Variants in ACVR1B observed in about 807,000 individuals in gnomAD.
The protein encoded by ACVR1B is activin receptor type-1B.
A neutral mutation model predicts 55.6 loss-of-function variants in ACVR1B; 15 were observed. The observed-to-expected ratio is 0.27, with a 90% CI of 0.18 to 0.42. The LOEUF (loss-of-function observed/expected upper bound fraction) is 0.42. Among genes scored for constraint, ACVR1B ranks in the 10% least tolerant of loss-of-function variants. ACVR1B has a pLI of 1.00. For synonymous variants in ACVR1B, 247 were observed against 254.6 expected, an observed-to-expected ratio of 0.97 and a Z score of 0.28; for missense variants, 359 against 670.1, an observed-to-expected ratio of 0.54 and a Z score of 5.13.
intron 1 of ACVR1B, among the ~76,000 whole-genome samples, chr12:51,972,956 G>A (rs964463172): frequency 3.3e-5 from 5 of 152,064 alleles, no homozygotes; most frequent in South Asian, 2.1e-4. Flanking sequence ...CTCACCCAGC[G>A]CCTTATCACA....
intron 3 of ACVR1B, among the ~76,000 whole-genome samples, chr12:51,977,227 G>C (rs1348544011): frequency 2.6e-5 from 4 of 152,156 alleles, no homozygotes; most frequent in Admixed American, 2.6e-4. Context: ...GGTTGTTTAG[G>C]TCTCAGGGTA....
At chr12:51,983,236 C>G (rs1286008390) in intron 4 of ACVR1B, among the ~76,000 whole-genome samples, 1 of 152,184 alleles carries the variant, frequency 6.6e-6, no homozygotes, top group Non-Finnish European at 1.5e-5. Context: ...CGATTCCTGG[C>G]TTTGGTGTTT....
chr12:51,953,419 C>A (rs766692511), intron 1 of ACVR1B: 49 of 985,328 alleles, frequency 5.0e-5, no homozygotes, highest in Non-Finnish European at 5.7e-5. Flanking sequence ...TCTTCGGCCT[C>A]ACTGCTCTGT....
chr12:51,974,508 CGTGT>C (rs141955888), intron 1 of ACVR1B, among the ~76,000 whole-genome samples: 26 of 151,682 alleles, frequency 1.7e-4, no homozygotes, highest in African/African-American at 2.7e-4. Flanking sequence ...GAAAAAAATT[CGTGT>C]GTGTGTGTGT....
intron 1 of ACVR1B, among the ~76,000 whole-genome samples, chr12:51,969,862 C>T (rs944214787): frequency 3.3e-5 from 5 of 152,160 alleles, no homozygotes; most frequent in African/African-American, 9.7e-5. Flanking sequence ...AGCCACTGCA[C>T]TCCAGCCTGG....
rs543337904 is a variant in ACVR1B, at chr12:51,962,982, C to T, written c.91+11148C>T. On this transcript the variant is annotated intron_variant, in intron 1 of 8. Coordinates refer to ENST00000257963, the MANE Select transcript of ACVR1B (RefSeq NM_004302.5). ...TCCTCTTTGTGAGTTCAGAGATTCC[C>T]GGACACGGTGGAGAGTCTAGAGATT... Among the ~76,000 whole-genome samples the T allele has an allele frequency of 1.1e-4, 16 of 152,070 alleles. No homozygotes were observed. The South Asian group carries it at 2.1e-3, about 20-fold the overall frequency.
chr12:51,955,137 T>C (rs1941383941), intron 1 of ACVR1B, among the ~76,000 whole-genome samples: 1 of 152,208 alleles, frequency 6.6e-6, no homozygotes, highest in Non-Finnish European at 1.5e-5. Flanking sequence ...TATGGCACTA[T>C]GTAAATGTTA....
chr12:51,988,140 T>C (rs1942117883), intron 7 of ACVR1B, among the ~76,000 whole-genome samples: 1 of 152,240 alleles, frequency 6.6e-6, no homozygotes, highest in African/African-American at 2.4e-5. Flanking sequence ...ATTCATGGAA[T>C]TGTACCTCTT....
At position 51,983,993 on chromosome 12, in the gene ACVR1B, C is replaced by T; in HGVS notation, c.812-6C>T. 2 of 1,614,166 alleles carry T rather than the reference C, an allele frequency of 1.2e-6. No individual in the cohort carries two copies. Among genetic ancestry groups the T allele is most frequent in the South Asian group, 2.2e-5 (2 of 91,076 alleles). On this transcript the variant is annotated splice_region_variant and splice_polypyrimidine_tract_variant and intron_variant, in intron 4 of 8. Coordinates refer to ENST00000257963, the MANE Select transcript of ACVR1B (RefSeq NM_004302.5). ...TTTTCTGGGACTCATCTGTGGTTCT[C>T]TGCAGATAATGGCACCTGGACACAG... is the stretch of plus-strand genomic sequence containing the variant.
At chr12:51,983,313 A>G (rs913037606) in intron 4 of ACVR1B, among the ~76,000 whole-genome samples, 9 of 152,142 alleles carry the variant, frequency 5.9e-5, no homozygotes, top group African/African-American at 1.9e-4. Context: ...AATAAAGTGT[A>G]TGCACTCTAC....
In ACVR1B at chr12:51,951,713, TGCGGCG is replaced by T. The variant is rs10540557; in HGVS notation, c.-14_-9del. On this transcript the variant is annotated 5_prime_UTR_variant, in exon 1 of 9. Coordinates refer to ENST00000257963, the MANE Select transcript of ACVR1B (RefSeq NM_004302.5). ...GCGCGCGCGCTGGGCGCTGCTGGGC[TGCGGCG>T]GCGGCGGCGGCGGCGGTGGTTACTA... The T allele has an allele frequency of 1.8e-3, 1,864 of 1,063,748 alleles. 1 individual carries two copies. The highest frequency in any genetic ancestry group is 5.1e-3 in the East Asian group (121 of 23,850). The allele number at this position is 1,063,748 out of a possible 1,614,324, so 65.9% of individuals were successfully genotyped here.
Position 51,970,266 on chromosome 12 carries a change from G to T in ACVR1B, c.92-4999G>T, listed in dbSNP as rs1011915355. On this transcript the variant is annotated intron_variant, in intron 1 of 8. Transcript: ENST00000257963. Reference sequence around the variant, plus strand: ...AAAGAGCGTGGTAGAATGCTGTGTGGTGTTGTGGGGAAAAGATCGAACTTA... The same window carrying T: ...AAAGAGCGTGGTAGAATGCTGTGTGTTGTTGTGGGGAAAAGATCGAACTTA... 3.8e-4 allele frequency among the ~76,000 whole-genome samples: 58 copies of T among 152,194 alleles called. 1 individual carries two copies. Among genetic ancestry groups the T allele is most frequent in the African/African-American group, 1.3e-3 (55 of 41,430 alleles).
Position 51,975,305 on chromosome 12 carries a change from C to T in ACVR1B, c.132C>T (p.Tyr44=), listed in dbSNP as rs1434973440. 6 of 1,613,830 alleles carry T rather than the reference C, an allele frequency of 3.7e-6. No individual in the cohort carries two copies. Among genetic ancestry groups the T allele is most frequent in the Non-Finnish European group, 5.1e-6 (6 of 1,180,046 alleles). Reference sequence around the variant, plus strand: ...GCACCAGCTGCCTCCAGGCCAACTACACGTGTGAGACAGATGGGGCCTGCA... The same window carrying T: ...GCACCAGCTGCCTCCAGGCCAACTATACGTGTGAGACAGATGGGGCCTGCA... ...CACTSCLQAN[Y]TCETDGACMV... is the part of the protein sequence containing the mutation. The change falls in exon 2 of 9, where the codon TAC becomes TAT. Residue 44 remains tyrosine (Y), a synonymous_variant. Transcript: ENST00000257963.
chr12:51,962,905 G>C (rs1227887505), intron 1 of ACVR1B, among the ~76,000 whole-genome samples: 2 of 152,206 alleles, frequency 1.3e-5, no homozygotes, highest in East Asian at 3.8e-4. Context: ...AGTGCTATTT[G>C]CCAGGTGCTG....
intron 1 of ACVR1B, among the ~76,000 whole-genome samples, chr12:51,974,179 T>C (rs900693317): frequency 6.6e-6 from 1 of 152,140 alleles, no homozygotes; most frequent in South Asian, 2.1e-4. Flanking sequence ...CACCCGCCAA[T>C]GTGTGAGTGC....
chr12:51,970,017 G>A (rs1450106558), intron 1 of ACVR1B, among the ~76,000 whole-genome samples: 1 of 152,168 alleles, frequency 6.6e-6, no homozygotes, highest in Admixed American at 6.5e-5. Context: ...GTTTCCAGTG[G>A]CATTGTTATC....
chr12:51,968,996 A>G (rs1245551954), intron 1 of ACVR1B, among the ~76,000 whole-genome samples: 1 of 152,142 alleles, frequency 6.6e-6, no homozygotes, highest in Non-Finnish European at 1.5e-5. Flanking sequence ...GTAGTTGGAG[A>G]GGACCGCATC....
chr12:51,981,406 TAAAC>T (rs890816693), intron 4 of ACVR1B, among the ~76,000 whole-genome samples: 7 of 152,188 alleles, frequency 4.6e-5, no homozygotes, highest in Non-Finnish European at 5.9e-5. Flanking sequence ...ATCAAGCAAA[TAAAC>T]AAGCAGTTCT....
intron 3 of ACVR1B, among the ~76,000 whole-genome samples, chr12:51,977,535 G>A (rs1941885224): frequency 6.6e-6 from 1 of 151,168 alleles, no homozygotes. Context: ...GACCTCAAGT[G>A]ATCCGCCTGC....
Sources: allele counts gnomAD v4.1 joint callset (sites outside exome capture counted in the v4.1 genomes callset), GRCh38; gene constraint gnomAD v4.1.1; transcripts MANE v1.5; gene names NCBI Gene and HGNC (gene_info 2026-07-23, HGNC 2026-07-21).